The following KIAA0040 variants were observed in gnomAD, a reference collection of about 807,000 sequenced individuals.
KIAA0040 encodes KIAA0040.
KIAA0040 carries 10 observed loss-of-function variants against 7.2 expected under a neutral mutation model. The observed-to-expected ratio is 1.38, with a 90% CI of 0.85 to 2.34. The LOEUF is 2.34. Among genes scored for constraint, KIAA0040 ranks in the 30% most tolerant of loss-of-function variants. KIAA0040 has a pLI of 0.00. For synonymous variants in KIAA0040, 49 were observed against 40.1 expected (o/e 1.22, Z -0.84); for missense variants, 89 against 108.2 (o/e 0.82, Z 0.79).
intron 2 of KIAA0040, among the ~76,000 whole-genome samples, chr1:175,169,045 A>C (rs190236105): frequency 6.6e-6 from 1 of 152,350 alleles, no homozygotes; most frequent in Non-Finnish European, 1.5e-5. Context: ...CCTGCTGACC[A>C]CAGTGAAAAA....
At chr1:175,187,186 G>T (rs1450992908) in intron 1 of KIAA0040, among the ~76,000 whole-genome samples, 4 of 152,242 alleles carry the variant, frequency 2.6e-5, no homozygotes, top group African/African-American at 9.6e-5. Flanking sequence ...GTTTCTGGTA[G>T]GGGTGGGCAG....
At chr1:175,190,826 C>T (rs1677839279) in intron 1 of KIAA0040, among the ~76,000 whole-genome samples, 1 of 152,198 alleles carries the variant, frequency 6.6e-6, no homozygotes, top group Admixed American at 6.5e-5. Context: ...TCAAAAATGG[C>T]TTCCTATAGG....
intron 2 of KIAA0040, among the ~76,000 whole-genome samples, chr1:175,169,250 C>T (rs1206043563): frequency 2.0e-5 from 3 of 152,180 alleles, no homozygotes; most frequent in Admixed American, 2.0e-4. Flanking sequence ...CAACAACTCT[C>T]CTATAGGGCA....
chr1:175,168,653 A>T (rs1676868145), intron 2 of KIAA0040, among the ~76,000 whole-genome samples: 1 of 152,194 alleles, frequency 6.6e-6, no homozygotes, highest in African/African-American at 2.4e-5. Context: ...CTGGGACCAA[A>T]GAGACTGCAT....
At chr1:175,174,482 C>T (rs1677103197) in intron 2 of KIAA0040, among the ~76,000 whole-genome samples, 1 of 152,192 alleles carries the variant, frequency 6.6e-6, no homozygotes, top group Admixed American at 6.5e-5. Context: ...TGAGCCCTTT[C>T]CTCATCTGAG....
chr1:175,180,729 G>T (rs1677408338), intron 1 of KIAA0040, among the ~76,000 whole-genome samples: 1 of 152,162 alleles, frequency 6.6e-6, no homozygotes, highest in Non-Finnish European at 1.5e-5. Flanking sequence ...AGTCTCAAAT[G>T]GACATCAAGC....
At chr1:175,181,160 C>G (rs1197897828) in intron 1 of KIAA0040, among the ~76,000 whole-genome samples, 1 of 151,976 alleles carries the variant, frequency 6.6e-6, no homozygotes. Context: ...CCTCTTTGTG[C>G]TCTTCAATTG....
At chr1:175,184,741 G>C (rs1677588162) in intron 1 of KIAA0040, among the ~76,000 whole-genome samples, 1 of 152,138 alleles carries the variant, frequency 6.6e-6, no homozygotes, top group Non-Finnish European at 1.5e-5. Flanking sequence ...GGGCCCCACA[G>C]GGTTATCAAG....
chr1:175,161,097 G>T lies in KIAA0040; in HGVS notation c.-84C>A. 1 of 1,281,250 alleles carries T rather than the reference G, an allele frequency of 7.8e-7. No individual in the cohort carries two copies. Among genetic ancestry groups the T allele is most frequent in the Non-Finnish European group, 1.1e-6 (1 of 941,690 alleles). The allele number at this position is 1,281,250 out of a possible 1,614,324, so 79.4% of individuals were successfully genotyped here. A position where few individuals can be genotyped will look rare whatever the true frequency, so the allele number is the denominator to read the frequency against. On this transcript the variant is annotated 5_prime_UTR_variant, in exon 4 of 4. It introduces an in-frame stop codon into an upstream open reading frame of the 5' UTR. Transcript: ENST00000423313. ...CAAAAGGATGCAACCTTGACCACTT[G>T]TAATTTATTCCTCTTCCAGCTTTGG...
intron 3 of KIAA0040, among the ~76,000 whole-genome samples, chr1:175,165,939 G>A (rs1485288723): frequency 6.6e-6 from 1 of 152,192 alleles, no homozygotes; most frequent in Non-Finnish European, 1.5e-5. Flanking sequence ...TAAAGCTCTA[G>A]AACAGTGTCT....
intron 1 of KIAA0040, among the ~76,000 whole-genome samples, chr1:175,188,903 T>A (rs1320202212): frequency 6.6e-6 from 1 of 152,242 alleles, no homozygotes; most frequent in Non-Finnish European, 1.5e-5. Context: ...CCTAGCTGTG[T>A]CCTTGTGTGT....
At position 175,175,226 on chromosome 1, in the gene KIAA0040, A is replaced by G. The variant is rs553522409; in HGVS notation, c.-310+2385T>C. 2.6e-5 allele frequency among the ~76,000 whole-genome samples: 4 copies of G among 152,376 alleles called. No homozygotes were observed. The East Asian group carries it at 7.7e-4, about 29-fold the overall frequency. On this transcript the variant is annotated intron_variant, in intron 2 of 3. Transcript: ENST00000423313. Reference sequence around the variant, plus strand: ...GTCATTCAGGGTCTCCCACACAGGTAGTAATTAAAAGTTGCATAATTCTAT... The same window carrying G: ...GTCATTCAGGGTCTCCCACACAGGTGGTAATTAAAAGTTGCATAATTCTAT...
chr1:175,179,040 G>C (rs1480174530), intron 1 of KIAA0040, among the ~76,000 whole-genome samples: 3 of 152,048 alleles, frequency 2.0e-5, no homozygotes, highest in African/African-American at 4.8e-5. Context: ...TACATGGAGG[G>C]CTGGACATTC....
At chr1:175,171,252 C>T (rs1311503506) in intron 2 of KIAA0040, among the ~76,000 whole-genome samples, 1 of 152,172 alleles carries the variant, frequency 6.6e-6, no homozygotes, top group Admixed American at 6.5e-5. Flanking sequence ...GGTGATACTC[C>T]TCACTTTGAA....
intron 3 of KIAA0040, among the ~76,000 whole-genome samples, chr1:175,163,386 T>C (rs1676627342): frequency 6.6e-6 from 1 of 152,230 alleles, no homozygotes; most frequent in African/African-American, 2.4e-5. Context: ...TATGGCTGCC[T>C]GAACTTAAAC....
At chr1:175,172,924 A>G (rs1677042983) in intron 2 of KIAA0040, among the ~76,000 whole-genome samples, 2 of 152,240 alleles carry the variant, frequency 1.3e-5, no homozygotes, top group African/African-American at 2.4e-5. Context: ...TATATTTATT[A>G]TTATACTATT....
At chr1:175,182,333 C>T (rs1431635256) in intron 1 of KIAA0040, among the ~76,000 whole-genome samples, 1 of 152,186 alleles carries the variant, frequency 6.6e-6, no homozygotes, top group East Asian at 1.9e-4. Flanking sequence ...GCAGCATATC[C>T]TTACATTTGA....
intron 1 of KIAA0040, among the ~76,000 whole-genome samples, chr1:175,188,927 T>C (rs1157337476): frequency 6.6e-6 from 1 of 152,080 alleles, no homozygotes; most frequent in Admixed American, 6.5e-5. Context: ...ATACAAAAGG[T>C]GATAGAGACC....
intron 1 of KIAA0040, among the ~76,000 whole-genome samples, chr1:175,190,238 G>C (rs1314752879): frequency 1.3e-5 from 2 of 152,176 alleles, no homozygotes; most frequent in Non-Finnish European, 2.9e-5. Flanking sequence ...TATCCTCCAA[G>C]GTATCCTGAG....
Sources: gnomAD v4.1 joint callset for allele counts (sites outside exome capture counted in the v4.1 genomes callset) on GRCh38, gnomAD v4.1.1 for gene constraint, MANE v1.5 for transcripts, NCBI Gene and HGNC (gene_info 2026-07-23, HGNC 2026-07-21) for gene names.